M1AP: variants seen among roughly 807,000 people sequenced by gnomAD.
The protein encoded by M1AP is meiosis 1 associated protein.
A neutral mutation model predicts 51.2 loss-of-function variants in M1AP; 39 were observed. That is an observed-to-expected ratio of 0.76 (90% CI 0.59 to 1.00). The LOEUF (loss-of-function observed/expected upper bound fraction) is 1.00. Ranked by LOEUF, M1AP falls within the 50% of genes least tolerant of loss-of-function variation. M1AP has a pLI of 0.00. For synonymous variants in M1AP, 251 were observed against 249.2 expected (o/e 1.01, Z -0.07); for missense variants, 545 against 641.2 (o/e 0.85, Z 1.62).
chr2:74,610,176 A>AT (rs111535856), intron 3 of M1AP, among the ~76,000 whole-genome samples: 12,104 of 142,480 alleles, frequency 0.085, 1,303 homozygotes, highest in African/African-American at 0.25. Flanking sequence ...TTATTTTTGT[A>AT]TTTTTTTTTT....
At chr2:74,562,564 A>T in intron 7 of M1AP, 141 bp from the exon 8 acceptor site, 1 of 765,550 alleles carries the variant, frequency 1.3e-6, no homozygotes, top group Non-Finnish European at 2.1e-6. Context: ...GTAGGGAGGG[A>T]CTTCCTGCAT....
intron 8 of M1AP, among the ~76,000 whole-genome samples, chr2:74,561,555 C>T (rs181414178): frequency 2.6e-5 from 4 of 152,292 alleles, no homozygotes; most frequent in South Asian, 2.1e-4. Context: ...CACAAAGACA[C>T]GAAAACCCAT....
intron 8 of M1AP, among the ~76,000 whole-genome samples, chr2:74,561,091 A>AAGGAGGAGGAGGAGGAGGAGG (rs1677910269): frequency 4.2e-5 from 2 of 47,870 alleles, no homozygotes; most frequent in Admixed American, 2.5e-4. Context: ...GGAGGAGGAG[A>AAGGAGGAGGAGGAGGAGGAGG]AGGAGAAGGA....
intron 5 of M1AP, among the ~76,000 whole-genome samples, chr2:74,580,611 T>C (rs1679344940): frequency 6.6e-6 from 1 of 152,110 alleles, no homozygotes; most frequent in African/African-American, 2.4e-5. Context: ...ACAATGGTCA[T>C]AAAGAGTTCT....
intron 1 of M1AP, 106 bp downstream of exon 1, chr2:74,648,159 C>T: frequency 2.1e-6 from 2 of 962,156 alleles, no homozygotes; most frequent in African/African-American, 1.8e-5. Context: ...GCAACCAACA[C>T]CTGCCTGAGG....
intron 2 of M1AP, chr2:74,620,806 C>G: frequency 5.1e-6 from 1 of 195,822 alleles, no homozygotes; most frequent in South Asian, 1.1e-4. Context: ...AAATTCTTGC[C>G]TATGCCAGCT....
intron 2 of M1AP, among the ~76,000 whole-genome samples, chr2:74,628,167 T>C (rs1682507921): frequency 6.6e-6 from 1 of 152,092 alleles, no homozygotes; most frequent in Non-Finnish European, 1.5e-5. Context: ...ATAAAAACAA[T>C]ACGAAAACTA....
rs543468885 is a variant in M1AP, at chr2:74,629,445, C to T, written c.240+10591G>A. Among the ~76,000 whole-genome samples, 5 of 152,230 alleles carry T rather than the reference C, an allele frequency of 3.3e-5. No homozygotes were observed. The South Asian group carries it at 1.0e-3, about 32-fold the overall frequency. ...TGCAGTCAAAACTTTGTTTCATGAA[C>T]AAAATTATTTTAAAAATGTTGTATA... is the stretch of plus-strand genomic sequence containing the variant. On this transcript the variant is annotated intron_variant, in intron 2 of 10. Coordinates refer to ENST00000421985, the MANE Select transcript of M1AP (RefSeq NM_001321739.2).
intron 4 of M1AP, among the ~76,000 whole-genome samples, chr2:74,588,397 G>A (rs1385723607): frequency 1.3e-5 from 2 of 152,190 alleles, no homozygotes; most frequent in East Asian, 3.8e-4. Flanking sequence ...TTTACAATTA[G>A]CTGTCTACTC....
chr2:74,625,268 TG>T (rs1166846278), intron 2 of M1AP, among the ~76,000 whole-genome samples: 1 of 152,210 alleles, frequency 6.6e-6, no homozygotes, highest in Non-Finnish European at 1.5e-5. Flanking sequence ...AGTTATTGAA[TG>T]TTTTTTTCTT....
chr2:74,596,884 G>T (rs560568079), intron 4 of M1AP, among the ~76,000 whole-genome samples: 7 of 152,164 alleles, frequency 4.6e-5, no homozygotes, highest in Non-Finnish European at 7.4e-5. Flanking sequence ...TGTACTTTAG[G>T]ATTCCACCTA....
chr2:74,569,377 CTT>C (rs1196526014), intron 7 of M1AP, among the ~76,000 whole-genome samples: 4 of 128,694 alleles, frequency 3.1e-5, no homozygotes, highest in African/African-American at 8.4e-5. Context: ...CCTCACTCTA[CTT>C]TTTTTTTTTT....
chr2:74,608,045 CAA>C (rs1681121006), intron 3 of M1AP, among the ~76,000 whole-genome samples: 1 of 152,126 alleles, frequency 6.6e-6, no homozygotes, highest in African/African-American at 2.4e-5. Flanking sequence ...TATCTTCCAC[CAA>C]AGTCATTGCA....
chr2:74,611,962 C>T (rs1438843916), intron 3 of M1AP, among the ~76,000 whole-genome samples: 7 of 111,630 alleles, frequency 6.3e-5, no homozygotes, highest in Admixed American at 3.9e-4. Flanking sequence ...GGCGCGATCT[C>T]GGCTCACTGC....
At position 74,634,665 on chromosome 2, in the gene M1AP, C is replaced by A. The variant is rs577659781; in HGVS notation, c.240+5371G>T. On this transcript the variant is annotated intron_variant, in intron 2 of 10. Transcript: ENST00000421985. Reference sequence around the variant, plus strand: ...TAGGGGGAAAGCATTCAGTCTTTCACCATTAAATATGGCATTAGCTGTAGG... The same window carrying A: ...TAGGGGGAAAGCATTCAGTCTTTCAACATTAAATATGGCATTAGCTGTAGG... Among the ~76,000 whole-genome samples the A allele has an allele frequency of 3.9e-5, 6 of 152,262 alleles. No individual in the cohort carries two copies. The South Asian group carries it at 1.0e-3, about 26-fold the overall frequency.
chr2:74,609,131 T>C (rs1156788633), intron 3 of M1AP, among the ~76,000 whole-genome samples: 2 of 152,226 alleles, frequency 1.3e-5, no homozygotes, highest in Non-Finnish European at 2.9e-5. Context: ...ACTATAGTCA[T>C]GCTATTGTAC....
intron 2 of M1AP, among the ~76,000 whole-genome samples, chr2:74,638,254 A>T (rs1259173694): frequency 6.6e-6 from 1 of 151,772 alleles, no homozygotes; most frequent in Non-Finnish European, 1.5e-5. Context: ...GGGTTTTACC[A>T]TGTTGGCCAG....
intron 2 of M1AP, chr2:74,621,030 A>C (rs1681985883): frequency 6.6e-6 from 1 of 152,056 alleles, no homozygotes; most frequent in East Asian, 1.9e-4. Flanking sequence ...GCCTGCAATC[A>C]CTTTGGGAGG....
rs191636863 is a variant in M1AP, at chr2:74,564,424, G to C, written c.1075-2001C>G. Among the ~76,000 whole-genome samples the C allele has an allele frequency of 9.7e-4, 148 of 152,256 alleles. 1 individual carries two copies. Among genetic ancestry groups the C allele is most frequent in the African/African-American group, 3.4e-3 (141 of 41,532 alleles). ...GGGGTAGGACTTGACTGATAATTCG[G>C]GAGGCATGATGCATCCTCACTAGAA... is the stretch of plus-strand genomic sequence containing the variant. On this transcript the variant is annotated intron_variant, in intron 7 of 10. Transcript: ENST00000421985.
Sources: gnomAD v4.1 joint callset for allele counts (sites outside exome capture counted in the v4.1 genomes callset) on GRCh38, gnomAD v4.1.1 for gene constraint, MANE v1.5 for transcripts, NCBI Gene and HGNC (gene_info 2026-07-23, HGNC 2026-07-21) for gene names.